The following MALRD1 variants were observed in gnomAD, a reference collection of about 807,000 sequenced individuals.
MALRD1 encodes the protein MAM and LDL-receptor class A domain-containing protein 1.
In MALRD1, 247 loss-of-function variants were observed where a neutral mutation model predicts 242.1. That is an observed-to-expected ratio of 1.02 (90% CI 0.92 to 1.13). The LOEUF (loss-of-function observed/expected upper bound fraction) is 1.13. MALRD1 is among the 50% of genes most tolerant of loss of function. The pLI is 0.00. For synonymous variants in MALRD1, 995 were observed against 866.6 expected, an observed-to-expected ratio of 1.15 and a Z score of -2.60; for missense variants, 2,989 against 2,533.1, an observed-to-expected ratio of 1.18 and a Z score of -3.86.
Position 19,146,811 on chromosome 10 carries a change from A to G in MALRD1, c.1558+467A>G, listed in dbSNP as rs1290693298. 1.2e-4 allele frequency among the ~76,000 whole-genome samples: 19 copies of G among 152,192 alleles called. 1 individual carries two copies. Among genetic ancestry groups the G allele is most frequent in the Admixed American group, 1.2e-3 (19 of 15,284 alleles). ...GGGCTTCTTTATAATAAACAGTCTT[A>G]TTCTTCCACATATATATTTTTAACC... On this transcript the variant is annotated intron_variant, in intron 11 of 39. Transcript: ENST00000454679.
intron 38 of MALRD1, among the ~76,000 whole-genome samples, chr10:19,714,157 C>A (rs1201832412): frequency 6.6e-6 from 1 of 152,174 alleles, no homozygotes; most frequent in African/African-American, 2.4e-5. Context: ...TTTCTGTTTC[C>A]TGGATTCTTG....
At chr10:19,103,860 C>T in intron 4 of MALRD1, 119 bp from the exon 5 acceptor site, 1 of 492,784 alleles carries the variant, frequency 2.0e-6, no homozygotes, top group Non-Finnish European at 3.2e-6. Context: ...GCATGGTCAC[C>T]CAAGTGCTTC....
chr10:19,458,510 A>G lies in MALRD1; in HGVS notation c.5029+8020A>G, dbSNP rs192795764. ...ATTATCAAAAGGTAAGAATGGTGAC[A>G]TCTTTGTCATTGATTTATAAACAGA... On this transcript the variant is annotated intron_variant, in intron 29 of 39. Coordinates refer to ENST00000454679, the MANE Select transcript of MALRD1 (RefSeq NM_001142308.3). Among the ~76,000 whole-genome samples, 5 of 152,308 alleles carry G rather than the reference A, an allele frequency of 3.3e-5. No individual in the cohort carries two copies. The East Asian group carries it at 9.6e-4, about 29-fold the overall frequency.
At chr10:19,167,448 T>C (rs1411459185) in intron 13 of MALRD1, among the ~76,000 whole-genome samples, 4 of 152,120 alleles carry the variant, frequency 2.6e-5, no homozygotes, top group Non-Finnish European at 4.4e-5. Context: ...AGGATAATAG[T>C]TGGGGATTTA....
intron 4 of MALRD1, among the ~76,000 whole-genome samples, 153 bp downstream of exon 4, chr10:19,088,338 G>A (rs1307618276): frequency 6.6e-6 from 1 of 151,988 alleles, no homozygotes; most frequent in Non-Finnish European, 1.5e-5. Flanking sequence ...GACATCTCAG[G>A]CAATTTGGGA....
At chr10:19,341,887 G>A (rs1307194001) in intron 24 of MALRD1, among the ~76,000 whole-genome samples, 1 of 151,758 alleles carries the variant, frequency 6.6e-6, no homozygotes, top group Non-Finnish European at 1.5e-5. Context: ...AAATGCATAA[G>A]GAGAATTTCA....
In MALRD1 at chr10:19,379,045, G is replaced by A. The variant is rs11813297; in HGVS notation, c.4442-8483G>A. Among the ~76,000 whole-genome samples the A allele has an allele frequency of 9.4e-3, 1,428 of 152,010 alleles. 20 individuals are homozygous for A. Among genetic ancestry groups the A allele is most frequent in the African/African-American group, 0.033 (1,349 of 41,482 alleles). The stretch of plus-strand genomic sequence containing the variant: ...TGGATTTGGTAATTTGTTTTTGAAG[G>A]AATTGATGTATTTCACCAAAGTTGT... On this transcript the variant is annotated intron_variant, in intron 26 of 39. Coordinates refer to ENST00000454679, the MANE Select transcript of MALRD1 (RefSeq NM_001142308.3).
At chr10:19,078,618 T>G (rs1331689809) in intron 2 of MALRD1, among the ~76,000 whole-genome samples, 1 of 151,854 alleles carries the variant, frequency 6.6e-6, no homozygotes, top group Non-Finnish European at 1.5e-5. Context: ...ATTTAAATGT[T>G]TCGTATAATT....
intron 28 of MALRD1, among the ~76,000 whole-genome samples, chr10:19,431,711 A>G (rs1250727233): frequency 2.0e-5 from 3 of 152,186 alleles, no homozygotes; most frequent in Non-Finnish European, 2.9e-5. Flanking sequence ...ACATGCATAC[A>G]TTTGTTTTAT....
At chr10:19,613,117 G>C (rs1287221118) in intron 35 of MALRD1, among the ~76,000 whole-genome samples, 1 of 151,606 alleles carries the variant, frequency 6.6e-6, no homozygotes, top group Non-Finnish European at 1.5e-5. Flanking sequence ...GCTAAGATTG[G>C]GCTTATCAAA....
rs7902869 is a variant in MALRD1, at chr10:19,240,205, C to T, written c.2992-17479C>T. On this transcript the variant is annotated intron_variant, in intron 18 of 39. Coordinates refer to ENST00000454679, the MANE Select transcript of MALRD1 (RefSeq NM_001142308.3). ...TAGTTTTCATTGTAGAGATCTTTCA[C>T]GGCCTTGATTAAATTTATCTGCAGA... Among the ~76,000 whole-genome samples, 1,495 of 151,894 alleles carry T rather than the reference C, an allele frequency of 9.8e-3. 26 individuals carry two copies. The highest frequency in any genetic ancestry group is 0.032 in the African/African-American group (1,346 of 41,416).
At chr10:19,116,246 C>A (rs1399494986) in intron 5 of MALRD1, among the ~76,000 whole-genome samples, 2 of 152,164 alleles carry the variant, frequency 1.3e-5, no homozygotes, top group Non-Finnish European at 2.9e-5. Context: ...ATAACGATTT[C>A]ATGCTGTGGC....
intron 28 of MALRD1, among the ~76,000 whole-genome samples, chr10:19,407,346 G>A (rs79891075): frequency 0.065 from 9,908 of 152,140 alleles, 463 homozygotes; most frequent in Non-Finnish European, 0.097. Context: ...GCCAGATGTG[G>A]TGGTGTGCAC....
At chr10:19,650,512 C>A (rs1212207531) in intron 36 of MALRD1, among the ~76,000 whole-genome samples, 1 of 152,036 alleles carries the variant, frequency 6.6e-6, no homozygotes, top group African/African-American at 2.4e-5. Context: ...CAACTAACAC[C>A]TTATAGAAAA....
chr10:19,146,132 G>A (rs1239325672), intron 10 of MALRD1, 66 bp from the exon 11 acceptor site: 38 of 1,170,924 alleles, frequency 3.2e-5, no homozygotes, highest in South Asian at 1.3e-4. Flanking sequence ...ATTAGCTAGC[G>A]TAGAGCAGTG....
chr10:19,322,841 G>T (rs1484802871), intron 21 of MALRD1, among the ~76,000 whole-genome samples: 2 of 152,126 alleles, frequency 1.3e-5, no homozygotes, highest in Non-Finnish European at 2.9e-5. Flanking sequence ...AAACTCTGTA[G>T]TTTCTAGCAT....
intron 10 of MALRD1, among the ~76,000 whole-genome samples, chr10:19,144,695 C>T (rs535699166): frequency 5.9e-5 from 9 of 152,228 alleles, no homozygotes; most frequent in South Asian, 2.1e-4. Context: ...AAGGAGGCTT[C>T]GGAATATGAG....
chr10:19,239,643 A>T, intron 18 of MALRD1, among the ~76,000 whole-genome samples: 1 of 152,104 alleles, frequency 6.6e-6, no homozygotes, highest in East Asian at 1.9e-4. Flanking sequence ...TCTTACCTTT[A>T]GGTCTTTAAT....
intron 7 of MALRD1, among the ~76,000 whole-genome samples, chr10:19,125,282 T>G (rs1194767052): frequency 1.0e-5 from 1 of 97,318 alleles, no homozygotes; most frequent in East Asian, 2.6e-4. Flanking sequence ...TCTTTCTTTC[T>G]TTCTTTCTTT....
Sources: gnomAD v4.1 joint callset for allele counts (sites outside exome capture counted in the v4.1 genomes callset) on GRCh38, gnomAD v4.1.1 for gene constraint, MANE v1.5 for transcripts, NCBI Gene and HGNC (gene_info 2026-07-23, HGNC 2026-07-21) for gene names.